The following DTWD1 variants were observed in gnomAD, a reference collection of about 807,000 sequenced individuals.
The protein encoded by DTWD1 is tRNA-uridine aminocarboxypropyltransferase 1.
A neutral mutation model predicts 30.2 loss-of-function variants in DTWD1; 27 were observed. That is an observed-to-expected ratio of 0.90 (90% confidence interval 0.66 to 1.23). The LOEUF is 1.23. Among genes scored for constraint, DTWD1 ranks in the 50% most tolerant of loss-of-function variants. DTWD1 has a pLI of 0.00. For synonymous variants in DTWD1, 99 were observed against 113.1 expected, an observed-to-expected ratio of 0.88 and a Z score of 0.79; for missense variants, 342 against 348.8, an observed-to-expected ratio of 0.98 and a Z score of 0.15.
intron 2 of DTWD1, among the ~76,000 whole-genome samples, chr15:49,628,961 T>C (rs1237693802): frequency 6.6e-6 from 1 of 152,174 alleles, no homozygotes; most frequent in Non-Finnish European, 1.5e-5. Flanking sequence ...ACATTAGGTA[T>C]TGCTCCTAAT....
chr15:49,638,392 T>C (rs1223749755), intron 4 of DTWD1, among the ~76,000 whole-genome samples: 1 of 152,186 alleles, frequency 6.6e-6, no homozygotes, highest in Non-Finnish European at 1.5e-5. Context: ...GGCTTCTTAA[T>C]CTCTTTAAAA....
chr15:49,636,875 A>C (rs954436256), intron 4 of DTWD1, among the ~76,000 whole-genome samples: 2 of 152,158 alleles, frequency 1.3e-5, no homozygotes, highest in African/African-American at 4.8e-5. Flanking sequence ...TACTTGATTA[A>C]AGTGGTGATT....
chr15:49,638,299 A>G (rs1338046783), intron 4 of DTWD1, among the ~76,000 whole-genome samples: 3 of 152,236 alleles, frequency 2.0e-5, no homozygotes, highest in Admixed American at 2.0e-4. Flanking sequence ...AGATTTGTAC[A>G]AAAGATTTTT....
At chr15:49,633,067 A>ATATATATATATATG (rs1190348148) in intron 3 of DTWD1, among the ~76,000 whole-genome samples, 33 of 144,766 alleles carry the variant, frequency 2.3e-4, no homozygotes, top group Non-Finnish European at 4.8e-4. Flanking sequence ...ATATATATAT[A>ATATATATATATATG]TATGTATTTT....
At chr15:49,634,889 A>G in intron 4 of DTWD1, 95 bp downstream of exon 4, 1 of 1,196,918 alleles carries the variant, frequency 8.4e-7, no homozygotes, top group Non-Finnish European at 1.2e-6. Flanking sequence ...AGTTACACTG[A>G]ATACCTATAC....
At position 49,646,612 on chromosome 15, in the gene DTWD1, A is replaced by G. The variant is rs1451052516; in HGVS notation, c.*3034A>G. The G allele has an allele frequency of 6.6e-6, 1 of 152,324 alleles. No individual in the cohort carries two copies. The highest frequency in any genetic ancestry group is 1.5e-5 in the Non-Finnish European group (1 of 68,142). 9.4% of individuals were successfully genotyped at this position (152,324 alleles called of 1,614,324 possible). On this transcript the variant is annotated 3_prime_UTR_variant, in exon 5 of 5. Transcript: ENST00000403028. ...TCTGAAAAACTTGGATCAATGGACTAGAAAAAGCTGCTGGGTAAATTGCTC... is the reference window on the plus strand; with the variant it reads ...TCTGAAAAACTTGGATCAATGGACTGGAAAAAGCTGCTGGGTAAATTGCTC...
chr15:49,637,309 A>G (rs1384720815), intron 4 of DTWD1, among the ~76,000 whole-genome samples: 1 of 151,928 alleles, frequency 6.6e-6, no homozygotes, highest in Non-Finnish European at 1.5e-5. Flanking sequence ...GCCAGTGGAA[A>G]CCCTTCAAGT....
In DTWD1 at chr15:49,643,306, CTTTTTTT is replaced by C. The variant is rs5812490; in HGVS notation, c.668-12_668-6del. The C allele has an allele frequency of 1.4e-4, 164 of 1,201,704 alleles. No homozygotes were observed. Among genetic ancestry groups the C allele is most frequent in the African/African-American group, 1.9e-4 (10 of 52,334 alleles). The allele number at this position is 1,201,704 out of a possible 1,614,324, so 74.4% of individuals were successfully genotyped here. On this transcript the variant is annotated intron_variant, in intron 4 of 4. Coordinates refer to ENST00000403028, the MANE Select transcript of DTWD1 (RefSeq NM_001144955.2). Reference sequence around the variant, plus strand: ...ATTTATATTTTTTCTTTCTTTCTTTCTTTTTTTTTTTTTTTTTTTGACAGGGTTGTTA... The same window carrying C: ...ATTTATATTTTTTCTTTCTTTCTTTCTTTTTTTTTTTTGACAGGGTTGTTA...
intron 1 of DTWD1, among the ~76,000 whole-genome samples, chr15:49,623,957 C>T (rs2078804313): frequency 1.3e-5 from 2 of 151,710 alleles, no homozygotes; most frequent in African/African-American, 4.8e-5. Flanking sequence ...TTGTTTTTCC[C>T]CTTGGGTACA....
rs1381026815 is a variant in DTWD1, at chr15:49,653,970, G to T, written c.*10392G>T. On this transcript the variant is annotated 3_prime_UTR_variant, in exon 5 of 5. Transcript: ENST00000403028. ...ATGGATTAGGAAACCACTACCAGAG[G>T]GATGAACTGAACCACAATCAAGGAA... 1 of 152,038 alleles carries T rather than the reference G, an allele frequency of 6.6e-6. No homozygotes were observed. Among genetic ancestry groups the T allele is most frequent in the Non-Finnish European group, 1.5e-5 (1 of 68,002 alleles). The allele number at this position is 152,038 out of a possible 1,614,324, so 9.4% of individuals were successfully genotyped here.
Position 49,625,258 on chromosome 15 carries a change from G to A in DTWD1, c.91G>A (p.Ala31Thr). 6.2e-7 allele frequency: 1 copy of A among 1,613,500 alleles called. No homozygotes were observed. The highest frequency in any genetic ancestry group is 8.5e-7 in the Non-Finnish European group (1 of 1,179,684). Residue 31 changes from alanine to threonine, a missense_variant, in exon 2 of 5, where the codon GCT (alanine) becomes ACT (threonine). Physicochemically the swap from Ala to Thr is moderately conservative, Grantham distance 58 (BLOSUM62 0). Coordinates refer to ENST00000403028, the MANE Select transcript of DTWD1 (RefSeq NM_001144955.2). Reference sequence around the variant, plus strand: ...AAAACAGTCACAAACTACTTCCATAGCTTCAGAAGATCCCCTTCAAAACTT... The same window carrying A: ...AAAACAGTCACAAACTACTTCCATAACTTCAGAAGATCCCCTTCAAAACTT... ...ETKQSQTTSI[A>T]SEDPLQNLCL...
intron 2 of DTWD1, among the ~76,000 whole-genome samples, chr15:49,626,553 A>G (rs1210587875): frequency 6.6e-6 from 1 of 152,152 alleles, no homozygotes; most frequent in African/African-American, 2.4e-5. Flanking sequence ...GGAATAAATC[A>G]ATTAATGTAT....
chr15:49,648,057 A>T lies in DTWD1; in HGVS notation c.*4479A>T, dbSNP rs545108310. On this transcript the variant is annotated 3_prime_UTR_variant, in exon 5 of 5. Transcript: ENST00000403028. The stretch of plus-strand genomic sequence containing the variant: ...GCTACATGTTACATTGTATTTAATT[A>T]AAAACCTTAAGAGGAAAGGCAATAG... The T allele has an allele frequency of 8.2e-4, 125 of 152,308 alleles. 1 individual carries two copies. The highest frequency in any genetic ancestry group is 2.8e-3 in the African/African-American group (117 of 41,580). 9.4% of individuals were successfully genotyped at this position (152,308 alleles called of 1,614,324 possible). A position where few individuals can be genotyped will look rare whatever the true frequency, so the allele number is the denominator to read the frequency against.
intron 4 of DTWD1, among the ~76,000 whole-genome samples, chr15:49,639,575 T>C (rs1008114386): frequency 6.6e-6 from 1 of 152,102 alleles, no homozygotes; most frequent in African/African-American, 2.4e-5. Flanking sequence ...AAAAAATGTT[T>C]ACGATTTTTA....
chr15:49,641,644 T>G (rs1382776504), intron 4 of DTWD1, among the ~76,000 whole-genome samples: 1 of 152,152 alleles, frequency 6.6e-6, no homozygotes, highest in African/African-American at 2.4e-5. Context: ...AGTTTTCATT[T>G]GTCTATTAAA....
intron 4 of DTWD1, among the ~76,000 whole-genome samples, chr15:49,636,884 T>G (rs1186309895): frequency 6.6e-6 from 1 of 152,170 alleles, no homozygotes; most frequent in Non-Finnish European, 1.5e-5. Flanking sequence ...AAAGTGGTGA[T>G]TACCCCATCT....
At chr15:49,639,023 C>A (rs983225078) in intron 4 of DTWD1, among the ~76,000 whole-genome samples, 10 of 152,082 alleles carry the variant, frequency 6.6e-5, no homozygotes, top group African/African-American at 2.4e-4. Context: ...CAGCTCTTTC[C>A]CTTCAGTTTG....
intron 2 of DTWD1, among the ~76,000 whole-genome samples, chr15:49,630,547 T>C (rs1041322953): frequency 2.0e-5 from 3 of 152,158 alleles, no homozygotes. Flanking sequence ...CATGGCTGAA[T>C]GCAGTACTTG....
At chr15:49,630,551 G>A (rs546382413) in intron 2 of DTWD1, among the ~76,000 whole-genome samples, 60 of 152,278 alleles carry the variant, frequency 3.9e-4, no homozygotes, top group African/African-American at 1.4e-3. Context: ...GCTGAATGCA[G>A]TACTTGTATA....
Sources: allele counts gnomAD v4.1 joint callset (sites outside exome capture counted in the v4.1 genomes callset), GRCh38; gene constraint gnomAD v4.1.1; transcripts MANE v1.5; gene names NCBI Gene and HGNC (gene_info 2026-07-23, HGNC 2026-07-21).